Variants in CARD8 observed in about 807,000 individuals in gnomAD.
CARD8 encodes caspase recruitment domain-containing protein 8.
A neutral mutation model predicts 53.2 loss-of-function variants in CARD8; 38 were observed. That is an observed-to-expected ratio of 0.71 (90% CI 0.55 to 0.94). The LOEUF is 0.94. CARD8 is among the 40% of genes least tolerant of loss of function. The pLI is 0.00. For synonymous variants in CARD8, 245 were observed against 244.9 expected, an observed-to-expected ratio of 1.00 and a Z score of 0.00; for missense variants, 561 against 655.5, an observed-to-expected ratio of 0.86 and a Z score of 1.57.
At chr19:48,212,581 T>C (rs1019868644) in intron 13 of CARD8, among the ~76,000 whole-genome samples, 1 of 152,208 alleles carries the variant, frequency 6.6e-6, no homozygotes, top group African/African-American at 2.4e-5. Context: ...TGGTTTAGAA[T>C]GCATGGAGGT....
At chr19:48,240,837 A>C in intron 4 of CARD8, 125 bp downstream of exon 4, 1 of 787,744 alleles carries the variant, frequency 1.3e-6, no homozygotes, top group Non-Finnish European at 2.0e-6. Context: ...AGATGGGTGA[A>C]TGAATAAAAT....
intron 6 of CARD8, 58 bp downstream of exon 6, chr19:48,234,345 C>T: frequency 2.0e-6 from 3 of 1,521,820 alleles, no homozygotes; most frequent in Non-Finnish European, 2.7e-6. Flanking sequence ...TTCTCATGTT[C>T]CTCTGTGATA....
At chr19:48,223,599 C>A in intron 10 of CARD8, 1 of 282,370 alleles carries the variant, frequency 3.5e-6, no homozygotes, top group Non-Finnish European at 7.0e-6. Flanking sequence ...TTTACATGAA[C>A]AGATATGTTT....
At position 48,230,948 on chromosome 19, in the gene CARD8, C is replaced by T. The variant is rs879043118; in HGVS notation, c.601G>A (p.Val201Ile). 3.7e-6 allele frequency: 6 copies of T among 1,614,168 alleles called. No individual in the cohort carries two copies. Among genetic ancestry groups the T allele is most frequent in the Admixed American group, 1.7e-5 (1 of 60,014 alleles). ...ATCGTCACTGTGACCTCATCCCTTACCAGGAAGCCGAGGCCTGTGGCTGAC... is the reference window on the plus strand; with the variant it reads ...ATCGTCACTGTGACCTCATCCCTTATCAGGAAGCCGAGGCCTGTGGCTGAC... ...LWSATGLGFL[V>I]RDEVTVTIAF... Residue 201 changes from valine to isoleucine, a missense_variant, in exon 9 of 14, where the codon GTA (valine) becomes ATA (isoleucine). Coordinates refer to ENST00000651546, the MANE Select transcript of CARD8 (RefSeq NM_001184900.3).
chr19:48,249,090 G>A (rs2046588843), intron 3 of CARD8, among the ~76,000 whole-genome samples: 1 of 151,894 alleles, frequency 6.6e-6, no homozygotes, highest in Admixed American at 6.6e-5. Context: ...CCAGCTACTC[G>A]GGAGGCTGAG....
At chr19:48,205,500 G>C (rs2037310536), downstream of CARD8, among the ~76,000 whole-genome samples, 1 of 152,136 alleles carries the variant, frequency 6.6e-6, no homozygotes, top group Non-Finnish European at 1.5e-5. Context: ...AAAGTGCTGG[G>C]ATTATAGGCG....
chr19:48,206,378 G>A (rs8110489), downstream of CARD8: 226,392 of 448,348 alleles, frequency 0.5, 59,497 homozygotes, highest in Admixed American at 0.56. Context: ...TTCAGGAAGC[G>A]CCTACCGTAT....
In CARD8 at chr19:48,234,419, C is replaced by T. The variant is rs751520956; in HGVS notation, c.334G>A (p.Gly112Arg). 3 of 1,612,470 alleles carry T rather than the reference C, an allele frequency of 1.9e-6. No individual in the cohort carries two copies. The highest frequency in any genetic ancestry group is 1.1e-5 in the South Asian group (1 of 90,826). Reference protein sequence around the residue: ...FRAVPECQLSGGDIPSVSEEQ... With the variant: ...FRAVPECQLSRGDIPSVSEEQ... ...TTTTCTTACCTGGGAATGTCCCCCC[C>T]AGATAGTTGACACTCAGGAACAGCA... Residue 112 changes from glycine (G) to arginine (R), a missense_variant, in exon 6 of 14, where the codon GGG (glycine) becomes AGG (arginine). By Grantham distance (125) the Gly-to-Arg change is moderately radical. Coordinates refer to ENST00000651546, the MANE Select transcript of CARD8 (RefSeq NM_001184900.3).
At chr19:48,226,232 T>C (rs2041766408) in intron 10 of CARD8, among the ~76,000 whole-genome samples, 1 of 152,154 alleles carries the variant, frequency 6.6e-6, no homozygotes, top group South Asian at 2.1e-4. Flanking sequence ...ATTTATTTTA[T>C]TTATTGATTT....
rs561286921 is a variant in CARD8, at chr19:48,236,902, A to G, written c.209+1481T>C. On this transcript the variant is annotated intron_variant, in intron 5 of 13. Coordinates refer to ENST00000651546, the MANE Select transcript of CARD8 (RefSeq NM_001184900.3). ...CAATTATCCTGCCTCAAGCCTCCTG[A>G]GTAGCTGGGATTACAGGCATGCGCC... is the stretch of plus-strand genomic sequence containing the variant. Among the ~76,000 whole-genome samples, 5 of 152,068 alleles carry G rather than the reference A, an allele frequency of 3.3e-5. No individual in the cohort carries two copies. In the South Asian group the frequency reaches 1.0e-3, roughly 32 times the overall value.
chr19:48,243,487 T>C (rs1230954783), intron 3 of CARD8, among the ~76,000 whole-genome samples: 1 of 152,246 alleles, frequency 6.6e-6, no homozygotes, highest in African/African-American at 2.4e-5. Flanking sequence ...AAAATCTGCA[T>C]ATTTAATTTA....
chr19:48,233,436 C>A (rs1249744893), intron 6 of CARD8: 1 of 456,102 alleles, frequency 2.2e-6, no homozygotes, highest in Non-Finnish European at 4.4e-6. Flanking sequence ...AAAGGCTTTA[C>A]AGCGCTTTTC....
chr19:48,223,362 C>A (rs1191120287), intron 10 of CARD8, among the ~76,000 whole-genome samples: 2 of 151,454 alleles, frequency 1.3e-5, no homozygotes, highest in East Asian at 3.9e-4. Context: ...AAGGATGGCC[C>A]ATGGAGAAAA....
Position 48,209,431 on chromosome 19 carries a change from T to C in CARD8, c.*2279A>G, listed in dbSNP as rs2123688426. ...CATACAGTGACCAAAATTTAAAAGG[T>C]GGTGAATGCACTCAGTGGGACGACA... On this transcript the variant is annotated 3_prime_UTR_variant, in exon 14 of 14. Coordinates refer to ENST00000651546, the MANE Select transcript of CARD8 (RefSeq NM_001184900.3). The C allele has an allele frequency of 6.6e-6, 1 of 152,068 alleles. No individual in the cohort carries two copies. The highest frequency in any genetic ancestry group is 6.6e-5 in the Admixed American group (1 of 15,260). The allele number at this position is 152,068 out of a possible 1,614,324, so 9.4% of individuals were successfully genotyped here.
intron 10 of CARD8, 73 bp downstream of exon 10, chr19:48,230,365 A>G: frequency 6.7e-7 from 1 of 1,488,696 alleles, no homozygotes; most frequent in Admixed American, 2.1e-5. Flanking sequence ...TCCACGAGGA[A>G]CTGGAGGGGC....
chr19:48,231,092 A>C, intron 8 of CARD8, 86 bp from the exon 9 acceptor site: 1 of 1,123,490 alleles, frequency 8.9e-7, no homozygotes, highest in Non-Finnish European at 1.3e-6. Flanking sequence ...TGGGATTTGA[A>C]GTGAGGCAAG....
chr19:48,245,042 T>C lies in CARD8; in HGVS notation c.-43-3979A>G, dbSNP rs57774886. On this transcript the variant is annotated intron_variant, in intron 3 of 13. Transcript: ENST00000651546. Reference sequence around the variant, plus strand: ...ATACCAAGACCTTCCCTATTTAAGTTAAAATATCGGAAGCTTATTCCAAAA... The same window carrying C: ...ATACCAAGACCTTCCCTATTTAAGTCAAAATATCGGAAGCTTATTCCAAAA... Among the ~76,000 whole-genome samples the C allele has an allele frequency of 3.9e-3, 590 of 152,294 alleles. 1 individual carries two copies. Among genetic ancestry groups the C allele is most frequent in the African/African-American group, 0.013 (541 of 41,556 alleles).
At chr19:48,220,598 A>T (rs2040285179) in intron 11 of CARD8, among the ~76,000 whole-genome samples, 1 of 152,146 alleles carries the variant, frequency 6.6e-6, no homozygotes, top group Admixed American at 6.5e-5. Context: ...TTTAGAGAAC[A>T]TATGCTGTGA....
At chr19:48,217,689 G>A (rs3826822) in intron 12 of CARD8, among the ~76,000 whole-genome samples, 68,925 of 151,886 alleles carry the variant, frequency 0.45, 16,908 homozygotes, top group Non-Finnish European at 0.56. Context: ...ACAAGGATCT[G>A]CTACTATTGA....
Sources: allele counts gnomAD v4.1 joint callset (sites outside exome capture counted in the v4.1 genomes callset), GRCh38; gene constraint gnomAD v4.1.1; transcripts MANE v1.5; gene names NCBI Gene and HGNC (gene_info 2026-07-23, HGNC 2026-07-21).